The following CEMIP variants were observed in gnomAD, a reference collection of about 807,000 sequenced individuals.
CEMIP encodes cell migration-inducing and hyaluronan-binding protein.
A neutral mutation model predicts 156.9 loss-of-function variants in CEMIP; 105 were observed. The observed-to-expected ratio is 0.67, with a 90% confidence interval of 0.57 to 0.79. The LOEUF is 0.79. CEMIP is among the 30% of genes least tolerant of loss of function. The pLI is 0.00. For missense variants in CEMIP, 1,457 were observed against 1,769.4 expected, an observed-to-expected ratio of 0.82 and a Z score of 3.17; for synonymous variants, 676 against 668.4, an observed-to-expected ratio of 1.01 and a Z score of -0.17.
chr15:80,807,937 C>T (rs2866882), intron 1 of CEMIP, among the ~76,000 whole-genome samples: 23,093 of 152,188 alleles, frequency 0.15, 1,940 homozygotes, highest in East Asian at 0.25. Context: ...ACAGGGAGCA[C>T]TTGTCCGCAG....
At position 80,900,180 on chromosome 15, in the gene CEMIP, A is replaced by G. The variant is rs531775311; in HGVS notation, c.1411+4120A>G. Among the ~76,000 whole-genome samples, 6 of 152,234 alleles carry G rather than the reference A, an allele frequency of 3.9e-5. No individual in the cohort carries two copies. In the South Asian group the frequency reaches 1.2e-3, roughly 32 times the overall value. On this transcript the variant is annotated intron_variant, in intron 12 of 29. Transcript: ENST00000394685. Reference sequence around the variant, plus strand: ...CTGTGGTGCCGAGGGTGGCCCTGAGAATGGAGAACCTTGTGTGCGTCAGAG... The same window carrying G: ...CTGTGGTGCCGAGGGTGGCCCTGAGGATGGAGAACCTTGTGTGCGTCAGAG...
chr15:80,947,048 G>A lies in CEMIP; in HGVS notation c.3941G>A (p.Arg1314Lys), dbSNP rs1901587346. 3 of 1,613,260 alleles carry A rather than the reference G, an allele frequency of 1.9e-6. No homozygotes were observed. In the East Asian group the frequency reaches 6.7e-5, roughly 36 times the overall value. The stretch of plus-strand genomic sequence containing the variant: ...GTGCTGGAAAAGCTTGGGGCAGACA[G>A]GGGTCTCAAGTTGAAAGGTAAGGGT... ...TRVLEKLGADRGLKLKEQMAF... is the reference protein window; with the variant it reads ...TRVLEKLGADKGLKLKEQMAF... Residue 1314 changes from arginine (R) to lysine (K), a missense_variant, in exon 29 of 30, where the codon AGG (arginine) becomes AAG (lysine). By Grantham distance (26) the Arg-to-Lys change is conservative. Transcript: ENST00000394685.
At chr15:80,850,112 A>G (rs1897677589) in intron 1 of CEMIP, among the ~76,000 whole-genome samples, 1 of 151,904 alleles carries the variant, frequency 6.6e-6, no homozygotes, top group South Asian at 2.1e-4. Context: ...TGTCCAGGCA[A>G]GGGATGGGCA....
chr15:80,927,600 G>A (rs972776347), intron 19 of CEMIP, among the ~76,000 whole-genome samples: 1 of 152,214 alleles, frequency 6.6e-6, no homozygotes, highest in African/African-American at 2.4e-5. Context: ...TCCTGCCAAA[G>A]TGTGTGTGTC....
intron 1 of CEMIP, among the ~76,000 whole-genome samples, chr15:80,828,475 G>A (rs1046939104): frequency 5.9e-5 from 9 of 152,058 alleles, no homozygotes; most frequent in African/African-American, 2.2e-4. Flanking sequence ...AAATAATAAG[G>A]CAATACACAA....
chr15:80,864,220 C>T (rs867338731), intron 1 of CEMIP, among the ~76,000 whole-genome samples: 2 of 152,182 alleles, frequency 1.3e-5, no homozygotes, highest in African/African-American at 4.8e-5. Context: ...GAACTTTTGC[C>T]TAGAGCCCAG....
chr15:80,839,285 C>CGTGTGTGTGTGTGTGT (rs1897333338), intron 1 of CEMIP, among the ~76,000 whole-genome samples: 4 of 60,050 alleles, frequency 6.7e-5, no homozygotes, highest in African/African-American at 5.0e-4. Flanking sequence ...GAGTCAAGGC[C>CGTGTGTGTGTGTGTGT]GTGAGTGTGT....
At position 80,932,607 on chromosome 15, in the gene CEMIP, A is replaced by ACC. The variant is rs1900964390; in HGVS notation, c.2793+568_2793+569insCC. 2.6e-5 allele frequency among the ~76,000 whole-genome samples: 4 copies of ACC among 152,114 alleles called. No individual in the cohort carries two copies. Among genetic ancestry groups the ACC allele is most frequent in the Non-Finnish European group, 5.9e-5 (4 of 68,004 alleles). The stretch of plus-strand genomic sequence containing the variant: ...CATTTCCTTCAGGTTATGGATTCCC[A>ACC]GACTTTTCCCTCCTTCTCCTCCCTG... On this transcript the variant is annotated intron_variant, in intron 22 of 29. Coordinates refer to ENST00000394685, the MANE Select transcript of CEMIP (RefSeq NM_001293298.2). This position sits in a 1 kb window ranked among gnomAD's most constrained non-coding sequence, Gnocchi z 4.5.
At chr15:80,815,905 T>C (rs890500665) in intron 1 of CEMIP, among the ~76,000 whole-genome samples, 7 of 152,200 alleles carry the variant, frequency 4.6e-5, no homozygotes, top group Non-Finnish European at 1.0e-4. Context: ...AGGTGCTTTT[T>C]CCAGCATAGA....
chr15:80,943,171 C>G (rs779237402), intron 28 of CEMIP, 69 bp downstream of exon 28: 57 of 1,537,628 alleles, frequency 3.7e-5, no homozygotes, highest in Non-Finnish European at 4.7e-5. Context: ...GGCCCCCTCC[C>G]TCTCACAAAG....
chr15:80,840,142 T>C (rs1897366276), intron 1 of CEMIP, among the ~76,000 whole-genome samples: 1 of 152,140 alleles, frequency 6.6e-6, no homozygotes, highest in African/African-American at 2.4e-5. Context: ...AGGTGCTTCC[T>C]AGGGGCTCGG....
chr15:80,931,564 A>T (rs1478277931), intron 21 of CEMIP, among the ~76,000 whole-genome samples: 1 of 152,202 alleles, frequency 6.6e-6, no homozygotes, highest in African/African-American at 2.4e-5. Context: ...AACTAGATGG[A>T]TATTCAACTC....
At chr15:80,860,397 C>T (rs1897956711) in intron 1 of CEMIP, among the ~76,000 whole-genome samples, 1 of 152,182 alleles carries the variant, frequency 6.6e-6, no homozygotes, top group Non-Finnish European at 1.5e-5. Flanking sequence ...ATATTAAGGA[C>T]AGTTGTAAGT....
chr15:80,813,481 C>T (rs1460897536), intron 1 of CEMIP, among the ~76,000 whole-genome samples: 1 of 151,684 alleles, frequency 6.6e-6, no homozygotes, highest in Non-Finnish European at 1.5e-5. Flanking sequence ...TCCCAAGTAG[C>T]TGGGATTACA....
At chr15:80,892,120 T>C (rs990958399) in intron 10 of CEMIP, among the ~76,000 whole-genome samples, 5 of 152,196 alleles carry the variant, frequency 3.3e-5, no homozygotes, top group African/African-American at 1.2e-4. Context: ...TTTTACGTGC[T>C]CCTCTTCCTG....
chr15:80,937,660 C>A, intron 24 of CEMIP, 134 bp from the exon 25 acceptor site: 1 of 795,548 alleles, frequency 1.3e-6, no homozygotes, highest in Non-Finnish European at 2.2e-6. Context: ...AGCAAATGTG[C>A]TTTCAAAATT....
chr15:80,868,054 C>A (rs1272174353), intron 1 of CEMIP, among the ~76,000 whole-genome samples: 1 of 152,144 alleles, frequency 6.6e-6, no homozygotes, highest in African/African-American at 2.4e-5. Flanking sequence ...CAAAGATAGA[C>A]TTTTGGGTCC....
intron 1 of CEMIP, among the ~76,000 whole-genome samples, chr15:80,854,925 C>T (rs895561018): frequency 6.6e-6 from 1 of 152,154 alleles, no homozygotes; most frequent in African/African-American, 2.4e-5. Context: ...TCTATGGTGG[C>T]TCATGCCTGA....
chr15:80,925,682 C>T lies in CEMIP; in HGVS notation c.2347C>T (p.His783Tyr), dbSNP rs996035812. Residue 783 changes from histidine (H) to tyrosine (Y), a missense_variant, in exon 19 of 30, where the codon CAC becomes TAC. By Grantham distance (83) the His-to-Tyr change is moderately conservative. This residue lies in a region of CEMIP where 798 missense variants were observed against 980.1 expected (regional missense o/e 0.81). Coordinates refer to ENST00000394685, the MANE Select transcript of CEMIP (RefSeq NM_001293298.2). ...LKPREPAIIR[H>Y]FIAYKNQDHG... ...GCCCCGGGAGCCGGCCATCATCAGA[C>T]ACTTCATTGCCTACAAGAACCAGGA... 7.4e-6 allele frequency: 12 copies of T among 1,613,746 alleles called. No homozygotes were observed. The East Asian group carries it at 2.5e-4, about 33-fold the overall frequency.
Sources: gnomAD v4.1 joint callset for allele counts (sites outside exome capture counted in the v4.1 genomes callset) on GRCh38, gnomAD v4.1.1 for gene constraint, gnomAD v4.1.1 regional missense constraint, Gnocchi (gnomAD v3.1) non-coding constraint, MANE v1.5 for transcripts, NCBI Gene and HGNC (gene_info 2026-07-23, HGNC 2026-07-21) for gene names.